GALNT1: variants seen among roughly 807,000 people sequenced by gnomAD.
GALNT1 encodes the protein GalNAc transferase 1.
Under a neutral mutation model 65.7 loss-of-function variants are expected in GALNT1, and 17 were observed. The observed-to-expected ratio is 0.26, with a 90% CI of 0.18 to 0.39. The LOEUF is 0.39. Among genes scored for constraint, GALNT1 ranks in the 10% least tolerant of loss-of-function variants. The pLI, the probability that GALNT1 is intolerant of heterozygous loss-of-function variation, is 1.00. For synonymous variants in GALNT1, 210 were observed against 219.7 expected (o/e 0.96, Z 0.39); for missense variants, 460 against 672.8 (o/e 0.68, Z 3.50).
chr18:35,681,209 T>C (rs958569039), intron 4 of GALNT1, among the ~76,000 whole-genome samples: 1 of 152,164 alleles, frequency 6.6e-6, no homozygotes, highest in African/African-American at 2.4e-5. Context: ...TATAGGCCAA[T>C]AGTTATAAAG....
chr18:35,581,602 G>A (rs1371315590), upstream of GALNT1: 46 of 252 alleles, frequency 0.18, no homozygotes, highest in Non-Finnish European at 0.43. Flanking sequence ...CATGCGGGGC[G>A]GCCCGGAGTA....
intron 2 of GALNT1, among the ~76,000 whole-genome samples, chr18:35,656,381 G>C (rs1192177816): frequency 6.6e-6 from 1 of 152,146 alleles, no homozygotes; most frequent in Non-Finnish European, 1.5e-5. Flanking sequence ...CAGTCTAATG[G>C]AATAGAAATA....
upstream of GALNT1, chr18:35,581,451 C>T (rs2046311809): frequency 2.0e-5 from 3 of 146,520 alleles, 1 homozygote; most frequent in Admixed American, 2.0e-4. Flanking sequence ...CCGGCGCCCC[C>T]GCCTCCCCCG....
chr18:35,623,588 G>A (rs1346451285), intron 1 of GALNT1, among the ~76,000 whole-genome samples: 1 of 151,836 alleles, frequency 6.6e-6, no homozygotes, highest in Non-Finnish European at 1.5e-5. Flanking sequence ...GCTCACTGAG[G>A]CTCTGTTCAT....
chr18:35,624,329 ACT>A lies in GALNT1; in HGVS notation c.-103-30228_-103-30227del, dbSNP rs1349827257. ...GTGACTTCCTTCTTGAGTTTCAGTA[ACT>A]CTGCACAGTGTAGGCTGGTAACTGC... On this transcript the variant is annotated intron_variant, in intron 1 of 11. Transcript: ENST00000269195. 3.3e-5 allele frequency among the ~76,000 whole-genome samples: 5 copies of A among 152,078 alleles called. No homozygotes were observed. In the South Asian group the frequency reaches 8.3e-4, roughly 25 times the overall value.
At chr18:35,597,071 G>A (rs1329208699) in intron 1 of GALNT1, 3 of 152,208 alleles carry the variant, frequency 2.0e-5, no homozygotes, top group African/African-American at 7.2e-5. Context: ...GGCAACTCTT[G>A]GGGGCTAGGA....
intron 1 of GALNT1, among the ~76,000 whole-genome samples, chr18:35,645,227 T>G (rs1366076836): frequency 2.3e-5 from 3 of 128,564 alleles, no homozygotes; most frequent in East Asian, 2.1e-4. Flanking sequence ...TGTTTTTTTT[T>G]TTTTTTTTTT....
chr18:35,648,052 AAGGGAGGAAGTG>A (rs1568023458), intron 1 of GALNT1, among the ~76,000 whole-genome samples: 4 of 142,912 alleles, frequency 2.8e-5, no homozygotes, highest in African/African-American at 1.1e-4. Context: ...AAGAAGAAGG[AAGGGAGGAAGTG>A]AGGAAGGGAG....
At chr18:35,581,158 G>C (rs2262243), upstream of GALNT1, 67,752 of 151,716 alleles carry the variant, frequency 0.45, 15,584 homozygotes, top group Middle Eastern at 0.6. Context: ...GAGCCGATCC[G>C]CTGTGAGGGC....
intron 1 of GALNT1, among the ~76,000 whole-genome samples, chr18:35,598,601 G>A (rs865902707): frequency 1.3e-5 from 2 of 152,104 alleles, no homozygotes; most frequent in South Asian, 2.1e-4. Flanking sequence ...TTCTATCTAT[G>A]TACCACATTT....
At chr18:35,664,656 T>A (rs1598799466) in intron 3 of GALNT1, 2 of 152,210 alleles carry the variant, frequency 1.3e-5, no homozygotes, top group East Asian at 3.8e-4. Flanking sequence ...TACACTCCTA[T>A]CAGCAATATA....
intron 6 of GALNT1, 141 bp from the exon 7 acceptor site, chr18:35,689,031 TG>T: frequency 1.5e-6 from 1 of 655,154 alleles, no homozygotes; most frequent in Non-Finnish European, 2.8e-6. Flanking sequence ...AGAAAGCCCC[TG>T]GGGCGTATGA....
chr18:35,710,795 A>T lies in GALNT1; in HGVS notation c.*1025A>T, dbSNP rs573807448. ...GCAATAAATCTTCAGTTCTTTGTTT[A>T]TGATTCCACTTAACAAAAGGCCTGC... On this transcript the variant is annotated 3_prime_UTR_variant, in exon 12 of 12. Coordinates refer to ENST00000269195, the MANE Select transcript of GALNT1 (RefSeq NM_020474.4). 10 of 152,780 alleles carry T rather than the reference A, an allele frequency of 6.5e-5. No homozygotes were observed. In the East Asian group the frequency reaches 1.9e-3, roughly 29 times the overall value. 9.5% of individuals were successfully genotyped at this position (152,780 alleles called of 1,614,324 possible).
At chr18:35,597,520 G>A (rs936539537) in intron 1 of GALNT1, 4 of 152,190 alleles carry the variant, frequency 2.6e-5, no homozygotes, top group African/African-American at 2.4e-5. Flanking sequence ...GCTTTTCTCA[G>A]TAGAATTTGT....
chr18:35,659,637 G>T (rs2144428070), intron 2 of GALNT1, among the ~76,000 whole-genome samples: 1 of 152,234 alleles, frequency 6.6e-6, no homozygotes, highest in East Asian at 1.9e-4. Flanking sequence ...AGTAGTAATT[G>T]ATTCTTCATG....
chr18:35,606,989 A>G (rs1388896144), intron 1 of GALNT1, among the ~76,000 whole-genome samples: 1 of 152,052 alleles, frequency 6.6e-6, no homozygotes, highest in Non-Finnish European at 1.5e-5. Flanking sequence ...TTCCTGCTCA[A>G]AGGTGCTCTT....
intron 1 of GALNT1, chr18:35,596,333 T>G (rs745522418): frequency 5.3e-5 from 8 of 152,294 alleles, no homozygotes; most frequent in Non-Finnish European, 1.0e-4. Context: ...TGGAAAAAAT[T>G]GTTGAAGGCT....
chr18:35,686,728 T>G (rs1021257333), intron 5 of GALNT1, among the ~76,000 whole-genome samples: 2 of 151,858 alleles, frequency 1.3e-5, no homozygotes, highest in Non-Finnish European at 2.9e-5. Context: ...GTCTTAAATA[T>G]AAAAAACAAA....
intron 4 of GALNT1, among the ~76,000 whole-genome samples, chr18:35,682,036 T>A (rs2047794494): frequency 6.6e-6 from 1 of 152,128 alleles, no homozygotes; most frequent in African/African-American, 2.4e-5. Flanking sequence ...ATGTTAACAG[T>A]TACTACAAAA....
Sources: gnomAD v4.1 joint callset for allele counts (sites outside exome capture counted in the v4.1 genomes callset) on GRCh38, gnomAD v4.1.1 for gene constraint, MANE v1.5 for transcripts, NCBI Gene and HGNC (gene_info 2026-07-23, HGNC 2026-07-21) for gene names.